Variants in CLEC2A observed in about 807,000 individuals in gnomAD.
CLEC2A encodes the protein C-type lectin domain family 2 member A, also known as keratinocyte-associated C-type lectin.
CLEC2A carries 19 observed loss-of-function variants against 18.6 expected under a neutral mutation model. The observed-to-expected ratio is 1.02, with a 90% confidence interval of 0.71 to 1.50. CLEC2A has a LOEUF of 1.50. Ranked by LOEUF, CLEC2A falls within the 40% of genes most tolerant of loss-of-function variation. CLEC2A has a pLI of 0.00. For synonymous variants in CLEC2A, 74 were observed against 64.0 expected (o/e 1.16, Z -0.75); for missense variants, 190 against 207.9 (o/e 0.91, Z 0.53).
At chr12:9,897,515 TG>T (rs1439525594), downstream of CLEC2A, among the ~76,000 whole-genome samples, 1 of 151,108 alleles carries the variant, frequency 6.6e-6, no homozygotes, top group Non-Finnish European at 1.5e-5. Context: ...GTGGACACAT[TG>T]AAAAGTGAGG....
intron 3 of CLEC2A, among the ~76,000 whole-genome samples, chr12:9,920,158 G>C (rs1863144100): frequency 6.6e-6 from 1 of 152,208 alleles, no homozygotes. Flanking sequence ...CCTATCCTGT[G>C]AGATGCCATG....
In CLEC2A at chr12:9,922,135, CCAATTT is replaced by C; in HGVS notation, c.231_236del (p.Asn78_Trp79del). ...AACTACAAAATATTTTACTGGCTGT[CCAATTT>C]CTGGTATCATCAGAAAAATAGAAAC... On this transcript the variant is annotated inframe_deletion, in exon 3 of 5. Transcript: ENST00000455827. 6.4e-7 allele frequency: 1 copy of C among 1,550,896 alleles called. No individual in the cohort carries two copies. The highest frequency in any genetic ancestry group is 8.7e-7 in the Non-Finnish European group (1 of 1,146,568).
downstream of CLEC2A, among the ~76,000 whole-genome samples, chr12:9,894,311 G>T (rs550280127): frequency 6.6e-6 from 1 of 151,848 alleles, no homozygotes; most frequent in Non-Finnish European, 1.5e-5. Flanking sequence ...CCTCAGAGTA[G>T]CTAGGACTAC....
At chr12:9,927,960 GAAACAATTGAGAAAA>G (rs1863305041) in intron 1 of CLEC2A, among the ~76,000 whole-genome samples, 1 of 151,898 alleles carries the variant, frequency 6.6e-6, no homozygotes, top group South Asian at 2.1e-4. Context: ...AAAAGGTATT[GAAACAATTGAGAAAA>G]AAAGGCTTTA....
At chr12:9,922,447 C>T (rs1167226800) in intron 2 of CLEC2A, among the ~76,000 whole-genome samples, 2 of 152,152 alleles carry the variant, frequency 1.3e-5, no homozygotes, top group South Asian at 4.1e-4. Flanking sequence ...TCCCTGGCTT[C>T]TATTTTGAGA....
At chr12:9,888,690 A>T in the CLEC2A span, 73 of 1,173,428 alleles carry the variant, frequency 6.2e-5, no homozygotes, top group Non-Finnish European at 7.9e-5. Context: ...ATTGCTATTG[A>T]TTTTTAAATG....
chr12:9,888,814 T>C, the CLEC2A span: 7 of 1,341,096 alleles, frequency 5.2e-6, no homozygotes, highest in African/African-American at 1.0e-4. Context: ...GTGCTACTCT[T>C]AGGGGTAAAT....
chr12:9,919,554 G>A (rs1863130204), intron 3 of CLEC2A, among the ~76,000 whole-genome samples: 1 of 152,204 alleles, frequency 6.6e-6, no homozygotes, highest in African/African-American at 2.4e-5. Flanking sequence ...GCCCCTGGAG[G>A]CTCTCTCTAA....
intron 4 of CLEC2A, among the ~76,000 whole-genome samples, chr12:9,907,957 T>C (rs1862928468): frequency 6.6e-6 from 1 of 152,200 alleles, no homozygotes; most frequent in African/African-American, 2.4e-5. Flanking sequence ...AAAGGATAAG[T>C]CATCTGGACT....
chr12:9,893,596 T>A, the CLEC2A span: 3 of 610,588 alleles, frequency 4.9e-6, no homozygotes, highest in Non-Finnish European at 8.0e-6. Context: ...TATTTTTATA[T>A]TAAACTTCTT....
chr12:9,916,584 G>T, intron 4 of CLEC2A, 116 bp downstream of exon 4: 1 of 751,018 alleles, frequency 1.3e-6, no homozygotes, highest in Non-Finnish European at 2.3e-6. Context: ...AGACTGAAAA[G>T]TTAATTCCAC....
intron 4 of CLEC2A, among the ~76,000 whole-genome samples, chr12:9,906,672 T>G (rs947316003): frequency 2.0e-5 from 3 of 152,208 alleles, no homozygotes; most frequent in African/African-American, 7.2e-5. Flanking sequence ...TTAGCCAATC[T>G]TCCTGACCCG....
intron 4 of CLEC2A, among the ~76,000 whole-genome samples, chr12:9,906,617 G>T (rs1369805746): frequency 6.6e-6 from 1 of 152,146 alleles, no homozygotes; most frequent in East Asian, 1.9e-4. Context: ...GCATTTTAAA[G>T]CCTGGCTTAA....
intron 1 of CLEC2A, among the ~76,000 whole-genome samples, chr12:9,927,983 T>C (rs931427803): frequency 1.7e-4 from 26 of 152,254 alleles, no homozygotes; most frequent in African/African-American, 6.3e-4. Flanking sequence ...AAAAAAGGCT[T>C]TACCATACGA....
Position 9,913,661 on chromosome 12 carries a change from C to A in CLEC2A, c.430G>T (p.Gly144Ter). 1 of 1,547,564 alleles carries A rather than the reference C, an allele frequency of 6.5e-7. No individual in the cohort carries two copies. The highest frequency in any genetic ancestry group is 1.4e-5 in the African/African-American group (1 of 73,040). ...FNGWFEIIGN[G>*]SFAFLSADGV... The stretch of plus-strand genomic sequence containing the variant: ...TCAGCACTCAAGAAAGCAAAGGATC[C>A]GTTCCCTATAATTTCAAACCTGAAA... Residue 144 changes from glycine (G) to a stop codon, truncating the protein, a stop_gained, in exon 5 of 5, where the codon GGA becomes TGA. Transcript: ENST00000455827. LOFTEE classifies it low-confidence loss of function (END_TRUNC).
chr12:9,892,507 A>T, the CLEC2A span, among the ~76,000 whole-genome samples: 1 of 151,666 alleles, frequency 6.6e-6, no homozygotes, highest in Non-Finnish European at 1.5e-5. Flanking sequence ...TTCTCCCCTA[A>T]TCCATCATCC....
intron 4 of CLEC2A, among the ~76,000 whole-genome samples, chr12:9,899,411 A>C (rs1419025969): frequency 6.6e-6 from 1 of 152,158 alleles, no homozygotes; most frequent in African/African-American, 2.4e-5. Flanking sequence ...AAAAGAAGGC[A>C]TTTTTAAAGG....
the CLEC2A span, among the ~76,000 whole-genome samples, chr12:9,887,494 G>A: frequency 6.6e-6 from 1 of 152,150 alleles, no homozygotes; most frequent in Non-Finnish European, 1.5e-5. Context: ...GAGTAATCAA[G>A]TAAATATTTT....
intron 2 of CLEC2A, among the ~76,000 whole-genome samples, chr12:9,924,895 T>A (rs924080598): frequency 6.6e-6 from 1 of 152,190 alleles, no homozygotes; most frequent in Non-Finnish European, 1.5e-5. Flanking sequence ...TAAAATACCT[T>A]TGTGAAAGAT....
Sources: allele counts gnomAD v4.1 joint callset (sites outside exome capture counted in the v4.1 genomes callset), GRCh38; gene constraint gnomAD v4.1.1; transcripts MANE v1.5; gene names NCBI Gene and HGNC (gene_info 2026-07-23, HGNC 2026-07-21).